OXNAD1: variants seen among roughly 807,000 people sequenced by gnomAD.
The protein encoded by OXNAD1 is oxidoreductase NAD binding domain containing 1.
In OXNAD1, 34 loss-of-function variants were observed where a neutral mutation model predicts 32.9. The observed-to-expected ratio is 1.03, with a 90% CI of 0.79 to 1.38. OXNAD1 has a LOEUF of 1.38. Ranked by LOEUF, OXNAD1 falls within the 40% of genes most tolerant of loss-of-function variation. The pLI is 0.00. For missense variants in OXNAD1, 407 were observed against 379.4 expected, an observed-to-expected ratio of 1.07 and a Z score of -0.60; for synonymous variants, 134 against 135.2, an observed-to-expected ratio of 0.99 and a Z score of 0.06.
At chr3:16,340,262 AC>A (rs2071228453), downstream of OXNAD1, among the ~76,000 whole-genome samples, 1 of 152,208 alleles carries the variant, frequency 6.6e-6, no homozygotes. Context: ...TATGATGCAA[AC>A]CGCAGCATGA....
intron 4 of OXNAD1, among the ~76,000 whole-genome samples, chr3:16,279,240 G>A (rs1163099792): frequency 6.6e-6 from 1 of 152,096 alleles, no homozygotes. Context: ...GGATCTGGGG[G>A]GCTGGACTGC....
chr3:16,295,034 T>G, intron 6 of OXNAD1, 37 bp downstream of exon 6: 1 of 1,567,178 alleles, frequency 6.4e-7, no homozygotes, highest in Non-Finnish European at 8.7e-7. Context: ...ATGATCTGGG[T>G]ATCTCTGCCA....
At chr3:16,332,077 C>G (rs1170707359) in intron 9 of OXNAD1, among the ~76,000 whole-genome samples, 1 of 151,880 alleles carries the variant, frequency 6.6e-6, no homozygotes, top group African/African-American at 2.4e-5. Flanking sequence ...AATTTCATGA[C>G]AATGTGCTTT....
rs1305633570 is a variant in OXNAD1, at chr3:16,348,832, G to A, written c.*31-344G>A. ...CCACCTGCCCCACTGGGAAGCAGGA[G>A]GACTGGTTTTGGTCCAATAGCCCAT... On this transcript the variant is annotated intron_variant, in intron 9 of 9. Coordinates refer to the OXNAD1 transcript ENST00000606098. This position sits in a 1 kb window ranked among gnomAD's most constrained non-coding sequence, Gnocchi z 6.3. 1.3e-5 allele frequency among the ~76,000 whole-genome samples: 2 copies of A among 152,192 alleles called. No individual in the cohort carries two copies. The highest frequency in any genetic ancestry group is 2.9e-5 in the Non-Finnish European group (2 of 68,046).
chr3:16,272,086 G>A lies in OXNAD1; in HGVS notation c.183+364G>A, dbSNP rs187061462. The A allele has an allele frequency of 2.3e-4, 103 of 444,176 alleles. 1 individual carries two copies. Among genetic ancestry groups the A allele is most frequent in the African/African-American group, 2.1e-3 (101 of 48,040 alleles). The allele number at this position is 444,176 out of a possible 1,614,324, so 27.5% of individuals were successfully genotyped here. Reference sequence around the variant, plus strand: ...TTACCTTTCTCTGTTTTTTTGTGTGGGGTCTTTTTTTTTTTTTTGCGTCAC... The same window carrying A: ...TTACCTTTCTCTGTTTTTTTGTGTGAGGTCTTTTTTTTTTTTTTGCGTCAC... On this transcript the variant is annotated intron_variant, in intron 4 of 8. Coordinates refer to ENST00000285083, the MANE Select transcript of OXNAD1 (RefSeq NM_138381.5).
Position 16,317,273 on chromosome 3 carries a change from G to A in OXNAD1, c.*30+13681G>A. 6.3e-7 allele frequency: 1 copy of A among 1,598,220 alleles called. No homozygotes were observed. The highest frequency in any genetic ancestry group is 8.5e-7 in the Non-Finnish European group (1 of 1,176,500). ...GATGGGGATAAATAACAAGCCTCCGGGAACCCAGAGCTTCACCCAAAGCCT... is the reference window on the plus strand; with the variant it reads ...GATGGGGATAAATAACAAGCCTCCGAGAACCCAGAGCTTCACCCAAAGCCT... On this transcript the variant is annotated intron_variant, in intron 9 of 9. Transcript: ENST00000435829. The surrounding 1 kb of genome is among the most constrained non-coding windows in gnomAD (Gnocchi z 4.3).
At chr3:16,310,637 G>C (rs187307581), downstream of OXNAD1, among the ~76,000 whole-genome samples, 1 of 152,152 alleles carries the variant, frequency 6.6e-6, no homozygotes, top group East Asian at 1.9e-4. Context: ...TGACAACCAG[G>C]GTGGTTCTCC....
Position 16,344,744 on chromosome 3 carries a change from C to A in OXNAD1, c.*31-4432C>A, listed in dbSNP as rs539376578. On this transcript the variant is annotated intron_variant, in intron 9 of 9. Transcript: ENST00000606098. The surrounding 1 kb of genome is among the most constrained non-coding windows in gnomAD (Gnocchi z 4.4). ...AAAGCACATCGTTGCCAAGTGCGGC[C>A]TCTCAATCAGTTATACACCACCCAT... 6.6e-6 allele frequency among the ~76,000 whole-genome samples: 1 copy of A among 152,328 alleles called. No individual in the cohort carries two copies. Among genetic ancestry groups the A allele is most frequent in the South Asian group, 2.1e-4 (1 of 4,828 alleles).
intron 6 of OXNAD1, among the ~76,000 whole-genome samples, chr3:16,300,495 CTA>C (rs2067104452): frequency 6.6e-6 from 1 of 152,200 alleles, no homozygotes; most frequent in African/African-American, 2.4e-5. Context: ...AAAGTGTAAT[CTA>C]CACTGTGGCT....
downstream of OXNAD1, chr3:16,339,805 G>T (rs1157436130): frequency 6.6e-6 from 1 of 152,168 alleles, no homozygotes; most frequent in Non-Finnish European, 1.5e-5. Context: ...TGAATCCCAG[G>T]CACTTAAGGA....
chr3:16,278,026 C>T (rs952469373), intron 4 of OXNAD1, among the ~76,000 whole-genome samples: 24 of 152,298 alleles, frequency 1.6e-4, no homozygotes, highest in African/African-American at 5.8e-4. Context: ...TTGGCCTCTA[C>T]AGACTGTTGG....
In OXNAD1 at chr3:16,312,241, A is replaced by G. The variant is rs532046506; in HGVS notation, c.*30+8649A>G. 2.0e-5 allele frequency among the ~76,000 whole-genome samples: 3 copies of G among 152,226 alleles called. No homozygotes were observed. In the East Asian group the frequency reaches 5.8e-4, roughly 29 times the overall value. On this transcript the variant is annotated intron_variant, in intron 9 of 9. Coordinates refer to the OXNAD1 transcript ENST00000435829. The surrounding 1 kb of genome is among the most constrained non-coding windows in gnomAD (Gnocchi z 4.7). Reference sequence around the variant, plus strand: ...TTGTCCTTAGATCTCATGTCCACACACTTCCCTGTTCAAAACTCTAGGAGC... The same window carrying G: ...TTGTCCTTAGATCTCATGTCCACACGCTTCCCTGTTCAAAACTCTAGGAGC...
rs1287424483 is a variant in OXNAD1, at chr3:16,294,839, T to C, written c.291-17T>C. Reference sequence around the variant, plus strand: ...AAATTGCTTCAACAATAATCATTTATTTGGCTTTCTTTTTAGGGTTGATTT... The same window carrying C: ...AAATTGCTTCAACAATAATCATTTACTTGGCTTTCTTTTTAGGGTTGATTT... On this transcript the variant is annotated splice_polypyrimidine_tract_variant and intron_variant, in intron 5 of 8. Transcript: ENST00000285083. 1.2e-6 allele frequency: 2 copies of C among 1,601,396 alleles called. No individual in the cohort carries two copies. Among genetic ancestry groups the C allele is most frequent in the South Asian group, 1.1e-5 (1 of 88,566 alleles).
rs1332217352 is a variant in OXNAD1, at chr3:16,301,507, T to C, written c.433-119T>C. The stretch of plus-strand genomic sequence containing the variant: ...GGCATCGGGAAAATTGGGAGCAAGC[T>C]ATAAAAATAGTCTTAAATACTGATA... On this transcript the variant is annotated intron_variant, in intron 6 of 8. Coordinates refer to ENST00000285083, the MANE Select transcript of OXNAD1 (RefSeq NM_138381.5). The surrounding 1 kb of genome is among the most constrained non-coding windows in gnomAD (Gnocchi z 4.1). 1.5e-5 allele frequency: 18 copies of C among 1,228,698 alleles called. No individual in the cohort carries two copies. Among genetic ancestry groups the C allele is most frequent in the Non-Finnish European group, 2.0e-5 (18 of 889,854 alleles). 76.1% of individuals were successfully genotyped at this position (1,228,698 alleles called of 1,614,324 possible).
At position 16,345,855 on chromosome 3, in the gene OXNAD1, T is replaced by TGTGTGC. The variant is rs1559843974; in HGVS notation, c.*31-3321_*31-3320insGTGTGC. Among the ~76,000 whole-genome samples the TGTGTGC allele has an allele frequency of 5.4e-3, 332 of 61,712 alleles. 3 individuals are homozygous for TGTGTGC. The highest frequency in any genetic ancestry group is 8.1e-3 in the Admixed American group (57 of 7,018). 40.5% of individuals were successfully genotyped at this position (61,712 alleles called of 152,430 possible). A position where few individuals can be genotyped will look rare whatever the true frequency, so the allele number is the denominator to read the frequency against. On this transcript the variant is annotated intron_variant, in intron 9 of 9. Coordinates refer to the OXNAD1 transcript ENST00000606098. The surrounding 1 kb of genome is among the most constrained non-coding windows in gnomAD (Gnocchi z 5.2). ...GCGCGCACGCGCACATGTGCATGTG[T>TGTGTGC]ATGTGTATAATCTCCTACTGGTTCT...
rs1368560825 is a variant in OXNAD1 at position 16,345,813 on chromosome 3, TGTGTGCGCGCGCGCGTGC to T, written c.*31-3361_*31-3344del. Among the ~76,000 whole-genome samples, 1 of 84,690 alleles carries T rather than the reference TGTGTGCGCGCGCGCGTGC, an allele frequency of 1.2e-5. No individual in the cohort carries two copies. Among genetic ancestry groups the T allele is most frequent in the Non-Finnish European group, 2.2e-5 (1 of 44,662 alleles). 55.6% of individuals were successfully genotyped at this position (84,690 alleles called of 152,430 possible). On this transcript the variant is annotated intron_variant, in intron 9 of 9. Coordinates refer to the OXNAD1 transcript ENST00000606098. This position sits in a 1 kb window ranked among gnomAD's most constrained non-coding sequence, Gnocchi z 5.2. ...CTGTGTGTGTGTGTGTGTGTGTGTG[TGTGTGCGCGCGCGCGTGC>T]GCGCACGCGCACATGTGCATGTGTA...
At chr3:16,278,289 C>T (rs986666585) in intron 4 of OXNAD1, among the ~76,000 whole-genome samples, 4 of 152,148 alleles carry the variant, frequency 2.6e-5, no homozygotes, top group Non-Finnish European at 5.9e-5. Context: ...TTCTATTGTA[C>T]TAGTTTGCTT....
chr3:16,333,674 T>C (rs548714498), intron 9 of OXNAD1, among the ~76,000 whole-genome samples: 5 of 152,162 alleles, frequency 3.3e-5, no homozygotes, highest in East Asian at 1.9e-4. Flanking sequence ...AAAACTCATA[T>C]GATATAAAAG....
chr3:16,281,469 CAT>C (rs1251467857), intron 4 of OXNAD1, among the ~76,000 whole-genome samples: 10 of 152,216 alleles, frequency 6.6e-5, no homozygotes, highest in South Asian at 2.1e-4. Context: ...CAGATTTTCA[CAT>C]GAGAGATGTT....
Sources: gnomAD v4.1 joint callset for allele counts (sites outside exome capture counted in the v4.1 genomes callset) on GRCh38, gnomAD v4.1.1 for gene constraint, Gnocchi (gnomAD v3.1) non-coding constraint, MANE v1.5 for transcripts, NCBI Gene and HGNC (gene_info 2026-07-23, HGNC 2026-07-21) for gene names.